Variants in SLC25A48 observed in about 807,000 individuals in gnomAD.
SLC25A48 encodes CTC-321K16.1.
SLC25A48 carries 29 observed loss-of-function variants against 32.2 expected under a neutral mutation model. The observed-to-expected ratio is 0.90, with a 90% confidence interval of 0.67 to 1.23. The LOEUF (loss-of-function observed/expected upper bound fraction) is 1.23. SLC25A48 is among the 50% of genes most tolerant of loss of function. The probability of loss-of-function intolerance (pLI) is 0.00; values close to 1 mark genes in which losing one functional copy is unlikely to be tolerated. For missense variants in SLC25A48, 399 were observed against 422.7 expected (o/e 0.94, Z 0.49); for synonymous variants, 164 against 172.3 (o/e 0.95, Z 0.38).
intron 3 of SLC25A48, among the ~76,000 whole-genome samples, chr5:135,727,184 C>CTA (rs61234105): frequency 0.39 from 56,698 of 145,732 alleles, 11,976 homozygotes; most frequent in Non-Finnish European, 0.49. Flanking sequence ...TAGCCACAGG[C>CTA]TATATATATA....
intron 4 of SLC25A48, among the ~76,000 whole-genome samples, chr5:135,828,703 A>G (rs1758128571): frequency 6.6e-6 from 1 of 152,242 alleles, no homozygotes; most frequent in African/African-American, 2.4e-5. Context: ...ATCCACTCGC[A>G]GAGCAGCAGC....
At chr5:135,880,758 C>G (rs1296614265) in intron 7 of SLC25A48, among the ~76,000 whole-genome samples, 2 of 152,162 alleles carry the variant, frequency 1.3e-5, no homozygotes, top group Non-Finnish European at 2.9e-5. Context: ...GTCCCGCCGT[C>G]TCTCTCACCC....
chr5:135,774,787 AGAT>A (rs921043006), intron 3 of SLC25A48, among the ~76,000 whole-genome samples: 77 of 151,538 alleles, frequency 5.1e-4, no homozygotes, highest in Non-Finnish European at 1.0e-4. Flanking sequence ...GAGGAGAAGA[AGAT>A]GATATTACTC....
intron 4 of SLC25A48, among the ~76,000 whole-genome samples, chr5:135,856,279 C>T (rs1008504988): frequency 7.2e-5 from 11 of 152,184 alleles, no homozygotes; most frequent in African/African-American, 2.7e-4. Context: ...TTTCCTGTCA[C>T]CTCAGACATC....
Position 135,857,043 on chromosome 5 carries a change from G to A in SLC25A48, c.421+4222G>A, listed in dbSNP as rs976473223. On this transcript the variant is annotated intron_variant, in intron 4 of 7. Transcript: ENST00000681962. ...GTCCCTGGAAGGGGAGGAAATGGGG[G>A]TAGCTTTGCGAATATCTGTTTGCAA... Among the ~76,000 whole-genome samples, 3 of 152,216 alleles carry A rather than the reference G, an allele frequency of 2.0e-5. No homozygotes were observed. The East Asian group carries it at 5.8e-4, about 29-fold the overall frequency.
chr5:135,595,833 A>C (rs752880306), intron 1 of SLC25A48, among the ~76,000 whole-genome samples: 3 of 152,242 alleles, frequency 2.0e-5, no homozygotes, highest in Non-Finnish European at 4.4e-5. Flanking sequence ...GTTAACTGTC[A>C]TTATCATAAT....
chr5:135,588,521 T>A (rs964589791), intron 1 of SLC25A48, among the ~76,000 whole-genome samples: 1 of 152,354 alleles, frequency 6.6e-6, no homozygotes, highest in East Asian at 1.9e-4. Context: ...AGAGAGGCCC[T>A]TGCCAGCAGG....
chr5:135,647,843 G>T (rs1753007474), intron 3 of SLC25A48, among the ~76,000 whole-genome samples: 1 of 152,158 alleles, frequency 6.6e-6, no homozygotes, highest in Non-Finnish European at 1.5e-5. Flanking sequence ...ATGACTCCTT[G>T]GAGTTTAGGC....
rs1037631912 is a variant in SLC25A48, at chr5:135,699,787, G to A, written c.-521+64831G>A. Among the ~76,000 whole-genome samples, 75 of 152,332 alleles carry A rather than the reference G, an allele frequency of 4.9e-4. 1 individual carries two copies. Among genetic ancestry groups the A allele is most frequent in the African/African-American group, 1.5e-3 (64 of 41,564 alleles). On this transcript the variant is annotated intron_variant, in intron 3 of 10. Transcript: ENST00000646290. ...ATGCTCACAGCCACCTGCTTGGTAA[G>A]TGTTGAGAGAGGAGCTTCTTAGTCA...
intron 1 of SLC25A48, among the ~76,000 whole-genome samples, chr5:135,586,015 T>C (rs1261889130): frequency 6.6e-6 from 1 of 152,236 alleles, no homozygotes; most frequent in Admixed American, 6.5e-5. Context: ...TTCTAAGTGC[T>C]ATACAAATAT....
chr5:135,796,155 T>C (rs1409548417), intron 3 of SLC25A48, among the ~76,000 whole-genome samples: 1 of 151,764 alleles, frequency 6.6e-6, no homozygotes, highest in African/African-American at 2.4e-5. Flanking sequence ...GTGATATTAC[T>C]TTTTATATCG....
intron 7 of SLC25A48, among the ~76,000 whole-genome samples, chr5:135,881,747 A>G (rs999162733): frequency 6.6e-6 from 1 of 152,228 alleles, no homozygotes; most frequent in Non-Finnish European, 1.5e-5. Flanking sequence ...AAATAAACAG[A>G]AAGAACAAAA....
chr5:135,749,931 C>G (rs1319749950), intron 3 of SLC25A48, among the ~76,000 whole-genome samples: 2 of 152,114 alleles, frequency 1.3e-5, no homozygotes, highest in Non-Finnish European at 1.5e-5. Context: ...AGACTCTGTT[C>G]TTGGGACACT....
At chr5:135,830,641 C>G (rs775458071), upstream of SLC25A48, among the ~76,000 whole-genome samples, 4 of 152,232 alleles carry the variant, frequency 2.6e-5, no homozygotes, top group Non-Finnish European at 5.9e-5. Context: ...CAATGAGAAG[C>G]TCGAAAATCG....
intron 3 of SLC25A48, among the ~76,000 whole-genome samples, chr5:135,772,451 A>T (rs1051063765): frequency 6.6e-6 from 1 of 151,710 alleles, no homozygotes. Context: ...GTGGGTGTAC[A>T]GCCTTCTGTG....
At chr5:135,810,897 G>C (rs560039307) in intron 3 of SLC25A48, among the ~76,000 whole-genome samples, 19 of 152,216 alleles carry the variant, frequency 1.2e-4, no homozygotes, top group Non-Finnish European at 2.6e-4. Flanking sequence ...ATAAGCGAAT[G>C]TTTCTCACTG....
intron 4 of SLC25A48, among the ~76,000 whole-genome samples, chr5:135,856,323 C>T (rs1381492969): frequency 6.6e-6 from 1 of 152,134 alleles, no homozygotes; most frequent in Non-Finnish European, 1.5e-5. Context: ...TTGATCTTGG[C>T]CCTTGTGGAG....
chr5:135,716,723 C>T (rs1162708952), intron 3 of SLC25A48, among the ~76,000 whole-genome samples: 2 of 152,154 alleles, frequency 1.3e-5, no homozygotes, highest in Admixed American at 6.5e-5. Context: ...TCGATTAGGG[C>T]AAGGCGTTGG....
At chr5:135,588,568 A>G (rs1751429057) in intron 1 of SLC25A48, among the ~76,000 whole-genome samples, 1 of 152,190 alleles carries the variant, frequency 6.6e-6, no homozygotes. Context: ...GGATGCGAGG[A>G]TTCCAGATGG....
Sources: gnomAD v4.1 joint callset for allele counts (sites outside exome capture counted in the v4.1 genomes callset) on GRCh38, gnomAD v4.1.1 for gene constraint, MANE v1.5 for transcripts, NCBI Gene and HGNC (gene_info 2026-07-23, HGNC 2026-07-21) for gene names.